The following ANO2 variants were observed in gnomAD, a reference collection of about 807,000 sequenced individuals.
ANO2 encodes the protein anoctamin-2.
ANO2 carries 101 observed loss-of-function variants against 124.2 expected under a neutral mutation model. The observed-to-expected ratio is 0.81, with a 90% CI of 0.69 to 0.96. The LOEUF (loss-of-function observed/expected upper bound fraction) is 0.96. Among genes scored for constraint, ANO2 ranks in the 40% least tolerant of loss-of-function variants. ANO2 has a pLI of 0.00. For synonymous variants in ANO2, 486 were observed against 482.5 expected (o/e 1.01, Z -0.09); for missense variants, 1,293 against 1,274.5 (o/e 1.01, Z -0.22).
intron 23 of ANO2, among the ~76,000 whole-genome samples, chr12:5,574,213 C>A (rs1453137047): frequency 6.6e-6 from 1 of 152,102 alleles, no homozygotes; most frequent in Non-Finnish European, 1.5e-5. Flanking sequence ...ATCTTTTAAC[C>A]AGGGTACAAA....
intron 20 of ANO2, among the ~76,000 whole-genome samples, chr12:5,590,867 A>G (rs754077084): frequency 6.6e-6 from 1 of 152,128 alleles, no homozygotes; most frequent in Non-Finnish European, 1.5e-5. Context: ...TGAAAAACCA[A>G]CTCATGATAA....
At chr12:5,830,381 G>A in intron 6 of ANO2, 54 bp downstream of exon 6, 13 of 1,571,316 alleles carry the variant, frequency 8.3e-6, no homozygotes, top group Non-Finnish European at 1.1e-5. Flanking sequence ...TGCCAACTAG[G>A]AACTCAGCCC....
intron 10 of ANO2, among the ~76,000 whole-genome samples, chr12:5,796,612 G>C (rs1042405407): frequency 6.6e-6 from 1 of 152,182 alleles, no homozygotes; most frequent in African/African-American, 2.4e-5. Context: ...CCAGAGCAGA[G>C]GCAGGATCGG....
intron 16 of ANO2, among the ~76,000 whole-genome samples, chr12:5,633,419 C>T (rs888908848): frequency 1.3e-5 from 2 of 152,160 alleles, no homozygotes; most frequent in Admixed American, 1.3e-4. Flanking sequence ...TTTGTCCACT[C>T]TTGCCTTGAT....
chr12:5,876,366 T>G (rs565272367), intron 3 of ANO2, among the ~76,000 whole-genome samples: 1 of 152,340 alleles, frequency 6.6e-6, no homozygotes, highest in East Asian at 1.9e-4. Flanking sequence ...ATATGAATGC[T>G]TTTACACTGT....
At chr12:5,919,008 CT>C (rs1367508267) in intron 3 of ANO2, among the ~76,000 whole-genome samples, 1 of 152,186 alleles carries the variant, frequency 6.6e-6, no homozygotes, top group Non-Finnish European at 1.5e-5. Flanking sequence ...GTGCCAGAGT[CT>C]GTCCTGGGTG....
chr12:5,857,817 G>GATGC (rs1385440979), intron 3 of ANO2, among the ~76,000 whole-genome samples: 2 of 147,976 alleles, frequency 1.4e-5, no homozygotes, highest in East Asian at 4.0e-4. Context: ...TAGATAGATA[G>GATGC]ATGCCCACTG....
chr12:5,810,780 C>A (rs1315494306), intron 7 of ANO2, among the ~76,000 whole-genome samples: 2 of 152,190 alleles, frequency 1.3e-5, no homozygotes, highest in African/African-American at 2.4e-5. Flanking sequence ...GAACTAAAAA[C>A]CTCCAAAGGA....
intron 19 of ANO2, among the ~76,000 whole-genome samples, chr12:5,607,228 T>A (rs920157170): frequency 1.3e-5 from 2 of 152,102 alleles, no homozygotes; most frequent in Non-Finnish European, 2.9e-5. Flanking sequence ...TCTCTCCGGT[T>A]TCACTCCCTG....
At chr12:5,659,227 T>C (rs1947325808) in intron 14 of ANO2, among the ~76,000 whole-genome samples, 1 of 152,194 alleles carries the variant, frequency 6.6e-6, no homozygotes, top group Admixed American at 6.5e-5. Context: ...GTCTCCCTCT[T>C]AAAATACTTC....
At position 5,615,166 on chromosome 12, in the gene ANO2, C is replaced by A. The variant is rs1169926662; in HGVS notation, c.1928+20G>T. 2.5e-5 allele frequency: 40 copies of A among 1,602,194 alleles called. No homozygotes were observed. Among genetic ancestry groups the A allele is most frequent in the Non-Finnish European group, 3.4e-5 (40 of 1,172,190 alleles). ...CTTAGTGGCAAATTGCCTTTCTACA[C>A]ATGACACCATTATACTCACCTCCCT... On this transcript the variant is annotated intron_variant, in intron 17 of 24. Transcript: ENST00000682330.
chr12:5,903,973 G>A (rs1448428758), intron 3 of ANO2, among the ~76,000 whole-genome samples: 1 of 152,094 alleles, frequency 6.6e-6, no homozygotes, highest in Admixed American at 6.6e-5. Flanking sequence ...GCCCCCACAT[G>A]GAGGAAACCC....
intron 14 of ANO2, among the ~76,000 whole-genome samples, chr12:5,698,144 C>T (rs1437719726): frequency 6.6e-6 from 1 of 152,218 alleles, no homozygotes; most frequent in Non-Finnish European, 1.5e-5. Context: ...AGACAGACTG[C>T]CTCCTCAAGT....
At chr12:5,583,356 T>TA (rs889496758) in intron 20 of ANO2, among the ~76,000 whole-genome samples, 23 of 152,230 alleles carry the variant, frequency 1.5e-4, no homozygotes, top group Non-Finnish European at 2.4e-4. Flanking sequence ...TTATAGCTTT[T>TA]AAAAAAATGC....
chr12:5,907,914 C>T (rs1940804339), intron 3 of ANO2, among the ~76,000 whole-genome samples: 1 of 152,258 alleles, frequency 6.6e-6, no homozygotes, highest in Non-Finnish European at 1.5e-5. Flanking sequence ...ACCACTGATG[C>T]TCTCAGCCTT....
In ANO2 at chr12:5,763,881, G is replaced by C. The variant is rs555938678; in HGVS notation, c.1056-12911C>G. On this transcript the variant is annotated intron_variant, in intron 10 of 24. Coordinates refer to ENST00000682330, the MANE Select transcript of ANO2 (RefSeq NM_001364791.2). ...AAAAAAGTCAATGAAACTAAAAACT[G>C]GTTGTTTGAAAGGATCAGTAAAACT... Among the ~76,000 whole-genome samples, 5 of 152,130 alleles carry C rather than the reference G, an allele frequency of 3.3e-5. No homozygotes were observed. In the South Asian group the frequency reaches 1.0e-3, roughly 32 times the overall value.
intron 14 of ANO2, among the ~76,000 whole-genome samples, chr12:5,726,874 G>A (rs923851920): frequency 1.3e-5 from 2 of 152,168 alleles, no homozygotes; most frequent in African/African-American, 4.8e-5. Flanking sequence ...CAGAACTGGA[G>A]AGGCTGTGTA....
At chr12:5,648,418 G>T (rs1468740023) in intron 14 of ANO2, among the ~76,000 whole-genome samples, 1 of 152,192 alleles carries the variant, frequency 6.6e-6, no homozygotes, top group Non-Finnish European at 1.5e-5. Flanking sequence ...TGAGGCACAG[G>T]TTAAGCTGAT....
chr12:5,838,918 A>G (rs115326005), intron 4 of ANO2, among the ~76,000 whole-genome samples: 2 of 152,368 alleles, frequency 1.3e-5, no homozygotes, highest in African/African-American at 2.4e-5. Flanking sequence ...TGAGCAAGTC[A>G]TACCCTTCTC....
Sources: allele counts gnomAD v4.1 joint callset (sites outside exome capture counted in the v4.1 genomes callset), GRCh38; gene constraint gnomAD v4.1.1; transcripts MANE v1.5; gene names NCBI Gene and HGNC (gene_info 2026-07-23, HGNC 2026-07-21).